Variants in HCRTR1 observed in about 807,000 individuals in gnomAD.
The protein encoded by HCRTR1 is orexin/Hypocretin receptor type 1.
A neutral mutation model predicts 40.6 loss-of-function variants in HCRTR1; 28 were observed. The observed-to-expected ratio is 0.69, with a 90% CI of 0.51 to 0.95. The LOEUF is 0.95. Ranked by LOEUF, HCRTR1 falls within the 40% of genes least tolerant of loss-of-function variation. The pLI, the probability that HCRTR1 is intolerant of heterozygous loss-of-function variation, is 0.00. For missense variants in HCRTR1, 482 were observed against 564.7 expected, an observed-to-expected ratio of 0.85 and a Z score of 1.48; for synonymous variants, 209 against 230.0, an observed-to-expected ratio of 0.91 and a Z score of 0.83.
downstream of HCRTR1, among the ~76,000 whole-genome samples, chr1:31,631,227 T>C (rs1640093670): frequency 6.6e-6 from 1 of 152,224 alleles, no homozygotes; most frequent in South Asian, 2.1e-4. Context: ...AGCAGAGGTA[T>C]GAGGACCTGC....
Position 31,621,035 on chromosome 1 carries a change from G to C in HCRTR1, c.571G>C (p.Glu191Gln). The C allele has an allele frequency of 1.2e-6, 2 of 1,612,776 alleles. No individual in the cohort carries two copies. Among genetic ancestry groups the C allele is most frequent in the Non-Finnish European group, 1.7e-6 (2 of 1,179,970 alleles). ...AVMECSSVLP[E>Q]LANRTRLFSV... ...CATGGAATGCAGCAGTGTGCTGCCT[G>C]AGCTAGCCAACCGCACACGGCTCTT... The change falls in exon 5 of 9, where the codon GAG becomes CAG. Residue 191 changes from glutamate (E) to glutamine (Q), a missense_variant. By Grantham distance (29) the Glu-to-Gln change is conservative. Transcript: ENST00000403528.
Position 31,625,143 on chromosome 1 carries a change from G to T in HCRTR1, c.1087+25G>T. ...GGTGAGCAGGCTGGGGATGCAAAAT[G>T]ACTGAGGGTGGCCAACAGTCCACAT... is the stretch of plus-strand genomic sequence containing the variant. On this transcript the variant is annotated intron_variant, in intron 8 of 8. Transcript: ENST00000403528. The surrounding 1 kb of genome is among the most constrained non-coding windows in gnomAD (Gnocchi z 4.2). The T allele has an allele frequency of 6.3e-7, 1 of 1,577,902 alleles. No individual in the cohort carries two copies. The highest frequency in any genetic ancestry group is 1.1e-5 in the South Asian group (1 of 87,298).
At chr1:31,621,625 T>A in intron 6 of HCRTR1, 33 bp downstream of exon 6, 1 of 1,450,714 alleles carries the variant, frequency 6.9e-7, no homozygotes, top group Non-Finnish European at 9.6e-7. Flanking sequence ...GCTAGGCCAG[T>A]CACTGTGTGG....
chr1:31,632,463 C>T (rs1018209751), downstream of HCRTR1: 2 of 1,614,236 alleles, frequency 1.2e-6, no homozygotes, highest in Admixed American at 3.3e-5. Context: ...CTAGCTCTGT[C>T]CTGCCCATCG....
chr1:31,632,695 C>T (rs577881109), downstream of HCRTR1: 77 of 1,582,518 alleles, frequency 4.9e-5, no homozygotes, highest in Non-Finnish European at 6.1e-5. Context: ...GGCCAAGGGT[C>T]CCCCTCAGGA....
At chr1:31,632,042 T>A (rs1640119032), downstream of HCRTR1, among the ~76,000 whole-genome samples, 1 of 152,162 alleles carries the variant, frequency 6.6e-6, no homozygotes. Flanking sequence ...ACTGCAACTT[T>A]TAGAGTGCTC....
At chr1:31,634,181 C>T (rs1428934662), downstream of HCRTR1, among the ~76,000 whole-genome samples, 2 of 152,126 alleles carry the variant, frequency 1.3e-5, no homozygotes, top group Non-Finnish European at 2.9e-5. Context: ...TGGAAAAATC[C>T]GGGCAGGTTC....
chr1:31,625,232 T>C lies in HCRTR1; in HGVS notation c.1087+114T>C. ...GGATGGTGGGTGAGGATGTACCTGC[T>C]GTGGGCACAGTGATCCTGCTCTGGG... On this transcript the variant is annotated intron_variant, in intron 8 of 8. Transcript: ENST00000403528. The surrounding 1 kb of genome is among the most constrained non-coding windows in gnomAD (Gnocchi z 4.2). 5.5e-6 allele frequency: 7 copies of C among 1,274,976 alleles called. No homozygotes were observed. Among genetic ancestry groups the C allele is most frequent in the Non-Finnish European group, 7.4e-6 (7 of 944,934 alleles). The allele number at this position is 1,274,976 out of a possible 1,614,324, so 79.0% of individuals were successfully genotyped here. A position where few individuals can be genotyped will look rare whatever the true frequency, so the allele number is the denominator to read the frequency against.
In HCRTR1 at chr1:31,625,182, A is replaced by G; in HGVS notation, c.1087+64A>G. 2 of 1,486,292 alleles carry G rather than the reference A, an allele frequency of 1.3e-6. No homozygotes were observed. The highest frequency in any genetic ancestry group is 1.8e-6 in the Non-Finnish European group (2 of 1,105,034). The allele number at this position is 1,486,292 out of a possible 1,614,324, so 92.1% of individuals were successfully genotyped here. The stretch of plus-strand genomic sequence containing the variant: ...AACAGTCCACATGACAAGTCTCCCC[A>G]TCCCCAAGCCAGGGCCCAAATAAAG... On this transcript the variant is annotated intron_variant, in intron 8 of 8. Coordinates refer to ENST00000403528, the MANE Select transcript of HCRTR1 (RefSeq NM_001525.3). This position sits in a 1 kb window ranked among gnomAD's most constrained non-coding sequence, Gnocchi z 4.2.
rs201910139 is a variant in HCRTR1, at chr1:31,620,948, C to G, written c.484C>G (p.Arg162Gly). 6.2e-7 allele frequency: 1 copy of G among 1,614,058 alleles called. No individual in the cohort carries two copies. The highest frequency in any genetic ancestry group is 1.1e-5 in the South Asian group (1 of 91,080). ...GTTCAAGAGCACAGCCCGGCGGGCC[C>G]GTGGCTCCATCCTGGGCATCTGGGC... ...LLFKSTARRA[R>G]GSILGIWAVS... Residue 162 changes from arginine (R) to glycine (G), a missense_variant, in exon 5 of 9, where the codon CGT becomes GGT. Coordinates refer to ENST00000403528, the MANE Select transcript of HCRTR1 (RefSeq NM_001525.3).
At chr1:31,628,564 G>C (rs1172491726), downstream of HCRTR1, among the ~76,000 whole-genome samples, 1 of 152,212 alleles carries the variant, frequency 6.6e-6, no homozygotes, top group African/African-American at 2.4e-5. Flanking sequence ...TCCAGGTCTT[G>C]GGCTCCTCAG....
chr1:31,632,652 G>A (rs1255996568), downstream of HCRTR1: 1 of 1,611,916 alleles, frequency 6.2e-7, no homozygotes, highest in Non-Finnish European at 8.5e-7. Flanking sequence ...AAGGTGAGGA[G>A]GGAAAGGAGG....
In HCRTR1 at chr1:31,626,680, C is replaced by A; in HGVS notation, c.1088-110C>A. 8.3e-7 allele frequency: 1 copy of A among 1,198,296 alleles called. No individual in the cohort carries two copies. Among genetic ancestry groups the A allele is most frequent in the Non-Finnish European group, 1.1e-6 (1 of 873,202 alleles). 74.2% of individuals were successfully genotyped at this position (1,198,296 alleles called of 1,614,324 possible). A position where few individuals can be genotyped will look rare whatever the true frequency, so the allele number is the denominator to read the frequency against. ...CCCAGCTCTATCCCTCCCTCCCTCC[C>A]CGCCCCCTCATAGGCAGCTTGGCTG... On this transcript the variant is annotated intron_variant, in intron 8 of 8. Coordinates refer to ENST00000403528, the MANE Select transcript of HCRTR1 (RefSeq NM_001525.3). This position sits in a 1 kb window ranked among gnomAD's most constrained non-coding sequence, Gnocchi z 4.6.
At chr1:31,624,622 G>T (rs762496402) in intron 7 of HCRTR1, among the ~76,000 whole-genome samples, 3 of 152,168 alleles carry the variant, frequency 2.0e-5, no homozygotes, top group Non-Finnish European at 4.4e-5. Context: ...CTTTGAGATT[G>T]TGCTTGGCCA....
chr1:31,628,188 G>A (rs1222342129), downstream of HCRTR1, among the ~76,000 whole-genome samples: 1 of 152,262 alleles, frequency 6.6e-6, no homozygotes, highest in Non-Finnish European at 1.5e-5. Flanking sequence ...GATTAATAGA[G>A]CTGTGGGCTC....
chr1:31,630,241 G>C (rs1045849937), downstream of HCRTR1: 1 of 292,118 alleles, frequency 3.4e-6, no homozygotes, highest in Non-Finnish European at 6.7e-6. Context: ...GGGAACACAG[G>C]TACTAACGGT....
chr1:31,633,725 G>C (rs908100262), downstream of HCRTR1, among the ~76,000 whole-genome samples: 3 of 152,186 alleles, frequency 2.0e-5, no homozygotes, highest in African/African-American at 7.2e-5. Flanking sequence ...GGAAGCCGAG[G>C]CAGGCGGATC....
downstream of HCRTR1, chr1:31,633,174 A>AG: frequency 5.6e-6 from 9 of 1,613,844 alleles, no homozygotes; most frequent in South Asian, 9.9e-5. Flanking sequence ...ATCATGAGGC[A>AG]GGTCTCATCA....
rs1248689404 is a variant in HCRTR1, at chr1:31,623,725, T to C, written c.941T>C (p.Ile314Thr). Residue 314 changes from isoleucine to threonine, a missense_variant, in exon 7 of 9, where the codon ATC (isoleucine) becomes ACC (threonine). Transcript: ENST00000403528. ...GTCTTCGCCCTCTGCTACCTGCCCA[T>C]CAGCGTCCTCAATGTCCTTAAGAGG... is the stretch of plus-strand genomic sequence containing the variant. ...LLVFALCYLP[I>T]SVLNVLKRVF... The C allele has an allele frequency of 6.2e-7, 1 of 1,614,080 alleles. No homozygotes were observed. The highest frequency in any genetic ancestry group is 2.2e-5 in the East Asian group (1 of 44,890).
Sources: allele counts gnomAD v4.1 joint callset (sites outside exome capture counted in the v4.1 genomes callset), GRCh38; gene constraint gnomAD v4.1.1; non-coding constraint Gnocchi (gnomAD v3.1); transcripts MANE v1.5; gene names NCBI Gene and HGNC (gene_info 2026-07-23, HGNC 2026-07-21).